Variants in ZNF625 observed in about 807,000 individuals in gnomAD.
The protein encoded by ZNF625 is zinc finger protein 625.
A neutral mutation model predicts 11.1 loss-of-function variants in ZNF625; 8 were observed. The ratio of observed to expected loss-of-function variants is 0.72; its 90% CI spans 0.42 to 1.30. The LOEUF is 1.30. Among genes scored for constraint, ZNF625 ranks in the 50% most tolerant of loss-of-function variants. ZNF625 has a pLI of 0.01. For synonymous variants in ZNF625, 145 were observed against 153.4 expected, an observed-to-expected ratio of 0.95 and a Z score of 0.41; for missense variants, 349 against 447.6, an observed-to-expected ratio of 0.78 and a Z score of 1.99.
rs940152397 is a variant in ZNF625, at chr19:12,147,971, CT to C, written c.4-170del. Reference sequence around the variant, plus strand: ...ACACTCACTCTTCCATAAAGAAATTCTTTTTTTTTAATTATTATTATTTTTT... The same window carrying C: ...ACACTCACTCTTCCATAAAGAAATTCTTTTTTTTAATTATTATTATTTTTT... On this transcript the variant is annotated intron_variant, in intron 1 of 3. Transcript: ENST00000439556. Among the ~76,000 whole-genome samples the C allele has an allele frequency of 6.6e-5, 10 of 151,510 alleles. No homozygotes were observed. In the East Asian group the frequency reaches 1.4e-3, roughly 21 times the overall value.
intron 1 of ZNF625, among the ~76,000 whole-genome samples, chr19:12,153,364 A>G (rs1939746504): frequency 6.6e-6 from 1 of 151,404 alleles, no homozygotes; most frequent in South Asian, 2.1e-4. Context: ...AAAAAAAAAA[A>G]AAGAAAAGCC....
chr19:12,153,694 A>AT (rs1976988735), intron 1 of ZNF625, among the ~76,000 whole-genome samples: 1 of 151,710 alleles, frequency 6.6e-6, no homozygotes, highest in African/African-American at 2.4e-5. Flanking sequence ...AAAAAAAAAA[A>AT]AAAATACATG....
At chr19:12,146,959 T>G (rs1976883359) in intron 3 of ZNF625, among the ~76,000 whole-genome samples, 1 of 150,600 alleles carries the variant, frequency 6.6e-6, no homozygotes, top group Admixed American at 6.6e-5. Context: ...CTTAAATATA[T>G]GTTTTTAGAG....
At position 12,146,223 on chromosome 19, in the gene ZNF625, C is replaced by G. The variant is rs1226846588; in HGVS notation, c.193G>C (p.Gly65Arg). The G allele has an allele frequency of 6.2e-6, 10 of 1,611,868 alleles. No homozygotes were observed. Among genetic ancestry groups the G allele is most frequent in the Non-Finnish European group, 8.5e-6 (10 of 1,179,378 alleles). The change falls in exon 4 of 4, where the codon GGT becomes CGT. Residue 65 changes from glycine (G) to arginine (R), a missense_variant and splice_region_variant. Gly to Arg is a moderately radical substitution (Grantham distance 125, BLOSUM62 -2). Coordinates refer to ENST00000439556, the MANE Select transcript of ZNF625 (RefSeq NM_145233.4). ...TCTAAGAGTCTCTCTCCCATAAGACCTCTGTGAACAATGAGAAGTATATCA... is the reference window on the plus strand; with the variant it reads ...TCTAAGAGTCTCTCTCCCATAAGACGTCTGTGAACAATGAGAAGTATATCA... Reference protein sequence around the residue: ...EYKNPRRNLRGLMGERLLESK... With the variant: ...EYKNPRRNLRRLMGERLLESK...
At chr19:12,156,310 T>TCCGGGGCCGGGG (rs1007256886) in intron 1 of ZNF625, among the ~76,000 whole-genome samples, 2 of 152,094 alleles carry the variant, frequency 1.3e-5, no homozygotes, top group Admixed American at 1.3e-4. Flanking sequence ...CAGAGAGGGC[T>TCCGGGGCCGGGG]CCGGGGCCGG....
At chr19:12,146,313 C>T (rs567402804) in intron 3 of ZNF625, 89 bp from the exon 4 acceptor site, 1 of 1,256,220 alleles carries the variant, frequency 8.0e-7, no homozygotes, top group Non-Finnish European at 1.1e-6. Flanking sequence ...ATTTCTAACA[C>T]TGTACAGCAA....
chr19:12,156,234 C>T (rs1479364915), intron 1 of ZNF625, among the ~76,000 whole-genome samples: 1 of 152,188 alleles, frequency 6.6e-6, no homozygotes, highest in East Asian at 1.9e-4. Context: ...GCAGGATTGC[C>T]TCCATGACCC....
chr19:12,156,348 G>C (rs958694715), intron 1 of ZNF625, among the ~76,000 whole-genome samples: 1 of 152,170 alleles, frequency 6.6e-6, no homozygotes, highest in African/African-American at 2.4e-5. Flanking sequence ...CAGTCGCAGC[G>C]CAGAGACGGG....
intron 1 of ZNF625, among the ~76,000 whole-genome samples, chr19:12,152,742 T>C (rs557756064): frequency 1.3e-5 from 2 of 151,604 alleles, no homozygotes; most frequent in South Asian, 2.1e-4. Flanking sequence ...CCCAGGAGGC[T>C]GAGGTAGGAG....
chr19:12,147,263 G>A lies in ZNF625; in HGVS notation c.191+132C>T, dbSNP rs111775250. ...ATTACAGGCGTGAGCCACCACAGCCGGCCCTAGAGAAAATTTTGTAAGAAT... is the reference window on the plus strand; with the variant it reads ...ATTACAGGCGTGAGCCACCACAGCCAGCCCTAGAGAAAATTTTGTAAGAAT... On this transcript the variant is annotated intron_variant, in intron 3 of 3. Coordinates refer to ENST00000439556, the MANE Select transcript of ZNF625 (RefSeq NM_145233.4). 1.8e-3 allele frequency: 1,450 copies of A among 805,050 alleles called. 19 individuals are homozygous for A. The African/African-American group carries it at 0.023, about 13-fold the overall frequency. The allele number at this position is 805,050 out of a possible 1,614,324, so 49.9% of individuals were successfully genotyped here. A position where few individuals can be genotyped will look rare whatever the true frequency, so the allele number is the denominator to read the frequency against.
chr19:12,154,964 C>T (rs1977006368), intron 1 of ZNF625, among the ~76,000 whole-genome samples: 2 of 152,136 alleles, frequency 1.3e-5, no homozygotes, highest in Admixed American at 6.6e-5. Flanking sequence ...TCCTGTAATC[C>T]TAGCACTTTG....
In ZNF625 at chr19:12,146,112, A is replaced by C; in HGVS notation, c.304T>G (p.Cys102Gly). 1 of 1,614,092 alleles carries C rather than the reference A, an allele frequency of 6.2e-7. No homozygotes were observed. ...GCATGACCCACGCTGACTTCTCCAC[A>C]TGATTTTACTCGGGGAGTTTTCTTC... ...LKKKTPRVKS[C>G]GEVSVGHASL... The change falls in exon 4 of 4, where the codon TGT (cysteine) becomes GGT (glycine). Residue 102 changes from cysteine (C) to glycine (G), a missense_variant. Coordinates refer to ENST00000439556, the MANE Select transcript of ZNF625 (RefSeq NM_145233.4).
Position 12,156,578 on chromosome 19 carries a change from C to A in ZNF625, c.-20G>T. ...CACCATTTCCCGGCTTCCAGGTGTC[C>A]TGGCCTCCTCTCCACGGATCCCTCT... On this transcript the variant is annotated 5_prime_UTR_variant, in exon 1 of 4. The change creates a new upstream start codon in the 5' untranslated region. Transcript: ENST00000439556. 2 of 1,393,196 alleles carry A rather than the reference C, an allele frequency of 1.4e-6. No individual in the cohort carries two copies. The highest frequency in any genetic ancestry group is 9.3e-7 in the Non-Finnish European group (1 of 1,072,210). The allele number at this position is 1,393,196 out of a possible 1,614,324, so 86.3% of individuals were successfully genotyped here.
intron 1 of ZNF625, among the ~76,000 whole-genome samples, chr19:12,152,390 T>C (rs1021822734): frequency 6.6e-6 from 1 of 152,154 alleles, no homozygotes; most frequent in Non-Finnish European, 1.5e-5. Flanking sequence ...ATCATACCCG[T>C]GATGAAGTGG....
intron 1 of ZNF625, among the ~76,000 whole-genome samples, chr19:12,150,186 T>C (rs1398158091): frequency 6.6e-6 from 1 of 152,178 alleles, no homozygotes. Flanking sequence ...TACAGCTCTT[T>C]CAAATACATC....
At chr19:12,148,562 G>T (rs1976909283) in intron 1 of ZNF625, among the ~76,000 whole-genome samples, 2 of 151,862 alleles carry the variant, frequency 1.3e-5, no homozygotes, top group Non-Finnish European at 2.9e-5. Flanking sequence ...CCAAAGGATG[G>T]TAAATGGCTC....
At chr19:12,146,292 A>G in intron 3 of ZNF625, 68 bp from the exon 4 acceptor site, 1 of 1,406,310 alleles carries the variant, frequency 7.1e-7, no homozygotes, top group Non-Finnish European at 9.8e-7. Context: ...TTAACAAGTC[A>G]TTGCACTTGT....
In ZNF625 at chr19:12,145,446, T is replaced by C. The variant is rs1375616991; in HGVS notation, c.970A>G (p.Thr324Ala). 1 of 1,614,166 alleles carries C rather than the reference T, an allele frequency of 6.2e-7. No homozygotes were observed. The highest frequency in any genetic ancestry group is 1.1e-5 in the South Asian group (1 of 91,086). ...TCATAGGGTTTCTCTCCAGTGTGAGTCCTTCCATGTGTTCGAAGGTGCGAG... is the reference window on the plus strand; with the variant it reads ...TCATAGGGTTTCTCTCCAGTGTGAGCCCTTCCATGTGTTCGAAGGTGCGAG... ...SASHLRTHGR[T>A]HTGEKPYECK... The change falls in exon 4 of 4, where the codon ACT becomes GCT. Residue 324 changes from threonine to alanine, a missense_variant. Thr to Ala is a moderately conservative substitution (Grantham distance 58). Transcript: ENST00000439556.
intron 1 of ZNF625, among the ~76,000 whole-genome samples, chr19:12,152,102 A>G (rs981711134): frequency 2.0e-5 from 3 of 152,182 alleles, no homozygotes; most frequent in African/African-American, 7.2e-5. Context: ...TTTACACTAT[A>G]ACAGTATAAT....
Sources: allele counts gnomAD v4.1 joint callset (sites outside exome capture counted in the v4.1 genomes callset), GRCh38; gene constraint gnomAD v4.1.1; transcripts MANE v1.5; gene names NCBI Gene and HGNC (gene_info 2026-07-23, HGNC 2026-07-21).